TEAD1: variants seen among roughly 807,000 people sequenced by gnomAD.
TEAD1 encodes TEA domain transcription factor 1, also known as transcriptional enhancer factor TEF-1.
A neutral mutation model predicts 54.9 loss-of-function variants in TEAD1; 9 were observed. The observed-to-expected ratio is 0.16, with a 90% CI of 0.10 to 0.29. TEAD1 has a LOEUF of 0.29. TEAD1 is among the 10% of genes least tolerant of loss of function. The probability of loss-of-function intolerance (pLI) is 1.00; values close to 1 mark genes in which losing one functional copy is unlikely to be tolerated. For missense variants in TEAD1, 387 were observed against 535.9 expected (o/e 0.72, Z 2.74); for synonymous variants, 200 against 187.8 (o/e 1.07, Z -0.53).
intron 2 of TEAD1, among the ~76,000 whole-genome samples, chr11:12,705,986 A>T (rs1564912849): frequency 6.6e-6 from 1 of 152,228 alleles, no homozygotes; most frequent in Non-Finnish European, 1.5e-5. Flanking sequence ...TTTAAAGTAT[A>T]AATAGAGGGA....
intron 3 of TEAD1, among the ~76,000 whole-genome samples, chr11:12,845,027 G>A (rs1464483551): frequency 9.7e-5 from 14 of 144,746 alleles, no homozygotes; most frequent in Admixed American, 4.9e-4. Context: ...GTGCAGTGGC[G>A]CAATCTTGGC....
intron 3 of TEAD1, among the ~76,000 whole-genome samples, chr11:12,806,812 A>G (rs946325694): frequency 2.0e-5 from 3 of 152,214 alleles, no homozygotes; most frequent in African/African-American, 7.2e-5. Flanking sequence ...TTGTCAGGTC[A>G]GGTTTGAATT....
At chr11:12,856,544 C>G (rs946465358) in intron 3 of TEAD1, among the ~76,000 whole-genome samples, 2 of 151,974 alleles carry the variant, frequency 1.3e-5, no homozygotes, top group East Asian at 3.9e-4. Flanking sequence ...GTACAAAGTT[C>G]AAGGTGTTCA....
intron 10 of TEAD1, chr11:12,922,419 A>C (rs1948826587): frequency 2.0e-5 from 1 of 49,670 alleles, no homozygotes; most frequent in African/African-American, 7.7e-5. Flanking sequence ...GATGGTCTCG[A>C]TCTCCTGACC....
At chr11:12,926,568 A>T (rs1948905979) in intron 11 of TEAD1, among the ~76,000 whole-genome samples, 1 of 152,208 alleles carries the variant, frequency 6.6e-6, no homozygotes, top group Non-Finnish European at 1.5e-5. Context: ...ATAGGCAATG[A>T]TTATAGATGC....
intron 3 of TEAD1, among the ~76,000 whole-genome samples, chr11:12,840,770 C>A (rs553300316): frequency 1.3e-5 from 2 of 152,280 alleles, no homozygotes; most frequent in African/African-American, 4.8e-5. Context: ...CAAATGGTGG[C>A]TTTCTGCACG....
intron 5 of TEAD1, chr11:12,865,200 A>AT (rs113921279): frequency 0.021 from 7,346 of 352,074 alleles, 21 homozygotes; most frequent in African/African-American, 0.034. Context: ...CAGAAACATG[A>AT]TTTTTTTTTT....
At chr11:12,706,613 T>C (rs1251331806) in intron 2 of TEAD1, among the ~76,000 whole-genome samples, 1 of 152,242 alleles carries the variant, frequency 6.6e-6, no homozygotes, top group African/African-American at 2.4e-5. Context: ...TTGCCCTTGA[T>C]ATTTCTAGCT....
At chr11:12,841,587 G>A (rs1947042798) in intron 3 of TEAD1, among the ~76,000 whole-genome samples, 1 of 152,194 alleles carries the variant, frequency 6.6e-6, no homozygotes, top group Admixed American at 6.5e-5. Context: ...TGTCATGGTA[G>A]CTGCCCTTCT....
chr11:12,760,687 G>GTGA (rs1945083584), intron 2 of TEAD1, among the ~76,000 whole-genome samples: 1 of 152,128 alleles, frequency 6.6e-6, no homozygotes, highest in African/African-American at 2.4e-5. Flanking sequence ...GGTAATTTGC[G>GTGA]TGACAGTTGG....
chr11:12,806,091 G>A (rs1946166111), intron 3 of TEAD1, among the ~76,000 whole-genome samples: 2 of 152,114 alleles, frequency 1.3e-5, no homozygotes, highest in Admixed American at 6.5e-5. Context: ...TGTACTCTAT[G>A]TTGAAATATT....
intron 3 of TEAD1, among the ~76,000 whole-genome samples, chr11:12,812,810 C>T (rs1172796199): frequency 2.6e-5 from 4 of 152,220 alleles, no homozygotes. Context: ...TTCAGGAACA[C>T]TGAGCCAGAG....
intron 3 of TEAD1, among the ~76,000 whole-genome samples, chr11:12,810,019 C>G (rs180967218): frequency 5.4e-5 from 7 of 128,836 alleles, no homozygotes; most frequent in Non-Finnish European, 3.1e-5. Flanking sequence ...CTCCCTCTGT[C>G]GTCCAGGCTG....
chr11:12,891,574 G>A lies in TEAD1; in HGVS notation c.699+8449G>A, dbSNP rs558462549. 1.2e-4 allele frequency among the ~76,000 whole-genome samples: 18 copies of A among 152,356 alleles called. 1 individual carries two copies. The South Asian group carries it at 3.7e-3, about 32-fold the overall frequency. On this transcript the variant is annotated intron_variant, in intron 9 of 12. Transcript: ENST00000527636. The stretch of plus-strand genomic sequence containing the variant: ...AGATTTGAAGAGTCCTGGAACAGAG[G>A]AGGAAGCAGGATTGCTAAGAACTGA...
intron 3 of TEAD1, among the ~76,000 whole-genome samples, chr11:12,787,762 T>G (rs898087853): frequency 6.6e-6 from 1 of 152,180 alleles, no homozygotes; most frequent in Non-Finnish European, 1.5e-5. Flanking sequence ...TTTCATAAAT[T>G]TATGTACTTA....
At chr11:12,839,718 C>T (rs566415095) in intron 3 of TEAD1, among the ~76,000 whole-genome samples, 2 of 152,100 alleles carry the variant, frequency 1.3e-5, no homozygotes, top group African/African-American at 4.8e-5. Context: ...TCACTAACTT[C>T]GCGTAATGGA....
chr11:12,881,131 T>G (rs1947957484), intron 7 of TEAD1, 80 bp downstream of exon 7: 1 of 1,488,568 alleles, frequency 6.7e-7, no homozygotes, highest in Non-Finnish European at 9.4e-7. Context: ...TGGACCATAG[T>G]GTCTCAGGGC....
At chr11:12,771,518 C>T (rs1186601694) in intron 3 of TEAD1, among the ~76,000 whole-genome samples, 1 of 152,182 alleles carries the variant, frequency 6.6e-6, no homozygotes, top group Non-Finnish European at 1.5e-5. Flanking sequence ...TCAGGTTCCA[C>T]TTCTGGCTCA....
intron 9 of TEAD1, among the ~76,000 whole-genome samples, chr11:12,884,007 A>AAG (rs1471782935): frequency 6.6e-5 from 10 of 151,224 alleles, no homozygotes; most frequent in African/African-American, 2.2e-4. Context: ...AAAAAAAAAA[A>AAG]AAGAAGAAGT....
Sources: gnomAD v4.1 joint callset for allele counts (sites outside exome capture counted in the v4.1 genomes callset) on GRCh38, gnomAD v4.1.1 for gene constraint, MANE v1.5 for transcripts, NCBI Gene and HGNC (gene_info 2026-07-23, HGNC 2026-07-21) for gene names.